Variants in VPS13D observed in about 807,000 individuals in gnomAD.
VPS13D encodes the protein intermembrane lipid transfer protein VPS13D.
Under a neutral mutation model 461.9 loss-of-function variants are expected in VPS13D, and 187 were observed. That is an observed-to-expected ratio of 0.40 (90% CI 0.36 to 0.46). VPS13D has a LOEUF of 0.46. VPS13D is among the 20% of genes least tolerant of loss of function. The pLI is 0.60. For missense variants in VPS13D, 4,711 were observed against 5,364.9 expected (o/e 0.88, Z 3.81); for synonymous variants, 1,951 against 1,986.3 (o/e 0.98, Z 0.47).
intron 20 of VPS13D, 92 bp from the exon 21 acceptor site, chr1:12,282,613 A>G: frequency 8.2e-7 from 1 of 1,215,980 alleles, no homozygotes; most frequent in South Asian, 1.5e-5. Flanking sequence ...AGCCTCATGT[A>G]GGAATCATGT....
chr1:12,378,392 T>C (rs1644230061), intron 55 of VPS13D, 36 bp from the exon 56 acceptor site: 2 of 1,534,082 alleles, frequency 1.3e-6, no homozygotes, highest in Non-Finnish European at 1.8e-6. Flanking sequence ...CTGCCCATAA[T>C]GGCTCTTTCT....
At chr1:12,273,838 T>TA (rs1428116194) in intron 18 of VPS13D, among the ~76,000 whole-genome samples, 11 of 152,214 alleles carry the variant, frequency 7.2e-5, no homozygotes, top group African/African-American at 2.7e-4. Flanking sequence ...CTTTTGCTAT[T>TA]AGGCATATTG....
At chr1:12,351,437 C>T (rs1276323523) in intron 46 of VPS13D, among the ~76,000 whole-genome samples, 1 of 151,778 alleles carries the variant, frequency 6.6e-6, no homozygotes, top group Non-Finnish European at 1.5e-5. Flanking sequence ...ATTACAGGCG[C>T]CTGCCACCAT....
chr1:12,399,760 A>G (rs1644549510), intron 60 of VPS13D, among the ~76,000 whole-genome samples: 1 of 150,990 alleles, frequency 6.6e-6, no homozygotes, highest in South Asian at 2.1e-4. Flanking sequence ...CAGAGGTTGC[A>G]GTGAGCCAAG....
chr1:12,365,301 G>A (rs1453336501), intron 52 of VPS13D, among the ~76,000 whole-genome samples: 1 of 152,156 alleles, frequency 6.6e-6, no homozygotes, highest in Non-Finnish European at 1.5e-5. Context: ...AAATGCTATT[G>A]GGATGTTGAT....
At position 12,291,123 on chromosome 1, in the gene VPS13D, A is replaced by G; in HGVS notation, c.5851A>G (p.Lys1951Glu). The G allele has an allele frequency of 6.2e-7, 1 of 1,610,630 alleles. No homozygotes were observed. Among genetic ancestry groups the G allele is most frequent in the South Asian group, 1.1e-5 (1 of 89,924 alleles). Residue 1951 changes from lysine (K) to glutamate (E), a missense_variant and splice_region_variant, in exon 23 of 70, where the codon AAA becomes GAA. This residue lies in a region of VPS13D where 4,411 missense variants were observed against 4,937.8 expected (regional missense o/e 0.89). Transcript: ENST00000620676. The stretch of plus-strand genomic sequence containing the variant: ...AGAAGCACTCATCTTCCAGACTTTT[A>G]AGTAAAAATGTCAATCTTTTTCTGA... The part of the protein sequence containing the change: ...GEEALIFQTF[K>E]YGRPDPLLRR...
chr1:12,358,591 C>T lies in VPS13D; in HGVS notation c.10131C>T (p.Ile3377=). 1 of 1,614,056 alleles carries T rather than the reference C, an allele frequency of 6.2e-7. No homozygotes were observed. The change falls in exon 50 of 70, where the codon ATC becomes ATT. Residue 3377 remains isoleucine, a synonymous_variant. Coordinates refer to ENST00000620676, the MANE Select transcript of VPS13D (RefSeq NM_015378.4). ...AGCAAGGAAACCGCCCAGGGCTGAT[C>T]TATAACATTGGTGGGTTACATTTGG... is the stretch of plus-strand genomic sequence containing the variant. ...VIQQGNRPGL[I]YNIGIDVKKG...
chr1:12,487,338 G>C (rs190231986), intron 67 of VPS13D, among the ~76,000 whole-genome samples: 2 of 152,102 alleles, frequency 1.3e-5, no homozygotes, highest in African/African-American at 4.8e-5. Flanking sequence ...GGTCAGGCAC[G>C]GTGGCTCACG....
chr1:12,281,299 CAG>C (rs1641772909), intron 20 of VPS13D, among the ~76,000 whole-genome samples: 1 of 152,172 alleles, frequency 6.6e-6, no homozygotes, highest in Non-Finnish European at 1.5e-5. Context: ...TTGTTGGAAT[CAG>C]GATACAGACA....
chr1:12,499,654 G>T (rs756424130), intron 68 of VPS13D: 1 of 985,272 alleles, frequency 1.0e-6, no homozygotes, highest in South Asian at 4.7e-5. Flanking sequence ...AATGAATTTT[G>T]ACTTTAAAGA....
intron 57 of VPS13D, 141 bp from the exon 58 acceptor site, chr1:12,382,835 A>T (rs75354928): frequency 0.033 from 22,742 of 695,478 alleles, 503 homozygotes; most frequent in South Asian, 0.061. Context: ...AGCTGAACAA[A>T]TAGTAAAGGC....
At chr1:12,330,706 A>G (rs1482878456) in intron 37 of VPS13D, among the ~76,000 whole-genome samples, 1 of 151,992 alleles carries the variant, frequency 6.6e-6, no homozygotes. Context: ...AGCTGGGATT[A>G]CAGGCGCTTG....
intron 65 of VPS13D, among the ~76,000 whole-genome samples, chr1:12,436,608 A>T (rs1645063986): frequency 6.6e-6 from 1 of 152,150 alleles, no homozygotes; most frequent in East Asian, 1.9e-4. Context: ...GTTATTTGTC[A>T]TGATTTGACC....
intron 50 of VPS13D, among the ~76,000 whole-genome samples, chr1:12,359,054 A>G (rs1414121944): frequency 6.6e-6 from 1 of 152,152 alleles, no homozygotes; most frequent in African/African-American, 2.4e-5. Flanking sequence ...TCTGGGTCAG[A>G]AGTAGGATCA....
chr1:12,340,592 G>T (rs1325702331), intron 40 of VPS13D, among the ~76,000 whole-genome samples: 1 of 152,246 alleles, frequency 6.6e-6, no homozygotes, highest in African/African-American at 2.4e-5. Context: ...TCTCGATTTT[G>T]TTGACAGAAG....
chr1:12,318,286 T>C lies in VPS13D; in HGVS notation c.7363T>C (p.Ser2455Pro). 6.2e-7 allele frequency: 1 copy of C among 1,613,744 alleles called. No individual in the cohort carries two copies. Among genetic ancestry groups the C allele is most frequent in the Non-Finnish European group, 8.5e-7 (1 of 1,179,614 alleles). Residue 2455 changes from serine to proline, a missense_variant, in exon 31 of 70, where the codon TCC becomes CCC. This residue lies in a region of VPS13D where 4,411 missense variants were observed against 4,937.8 expected (regional missense o/e 0.89). Coordinates refer to ENST00000620676, the MANE Select transcript of VPS13D (RefSeq NM_015378.4). The part of the protein sequence containing the change: ...VKSGVVTKRS[S>P]LPVSNERHLE... ...GAGTGGAGTAGTTACCAAGCGGTCT[T>C]CCCTTCCTGTGTCCAATGAAAGGCA...
At chr1:12,440,729 AGCT>A (rs2100340028) in intron 65 of VPS13D, among the ~76,000 whole-genome samples, 2 of 152,212 alleles carry the variant, frequency 1.3e-5, no homozygotes, top group South Asian at 4.2e-4. Flanking sequence ...TACAAAAATT[AGCT>A]GGACGTGGTG....
intron 43 of VPS13D, among the ~76,000 whole-genome samples, chr1:12,345,753 C>A (rs1160177414): frequency 6.6e-6 from 1 of 152,184 alleles, no homozygotes; most frequent in Non-Finnish European, 1.5e-5. Flanking sequence ...AGATCCATTT[C>A]ATGCTAGCTG....
chr1:12,345,392 G>A lies in VPS13D; in HGVS notation c.8904G>A (p.Arg2968=). The stretch of plus-strand genomic sequence containing the variant: ...CTGACAGACACACCCATGACCTCCG[G>A]ATTCATCAACTGCAAGTGAGAGTAA... ...KLRHRHTHDL[R]IHQLQVRVNG... Residue 2968 remains arginine (R), a synonymous_variant, in exon 43 of 70, where the codon CGG becomes CGA. Coordinates refer to ENST00000620676, the MANE Select transcript of VPS13D (RefSeq NM_015378.4). 6.2e-7 allele frequency: 1 copy of A among 1,612,652 alleles called. No individual in the cohort carries two copies. Among genetic ancestry groups the A allele is most frequent in the Non-Finnish European group, 8.5e-7 (1 of 1,178,832 alleles).
Sources: gnomAD v4.1 joint callset for allele counts (sites outside exome capture counted in the v4.1 genomes callset) on GRCh38, gnomAD v4.1.1 for gene constraint, gnomAD v4.1.1 regional missense constraint, MANE v1.5 for transcripts, NCBI Gene and HGNC (gene_info 2026-07-23, HGNC 2026-07-21) for gene names.